KAZN: variants seen among roughly 807,000 people sequenced by gnomAD.
The protein encoded by KAZN is kazrin.
A neutral mutation model predicts 87.4 loss-of-function variants in KAZN; 40 were observed. The observed-to-expected ratio is 0.46, with a 90% CI of 0.36 to 0.60. KAZN has a LOEUF of 0.60. Among genes scored for constraint, KAZN ranks in the 20% least tolerant of loss-of-function variants. KAZN has a pLI of 0.00. For missense variants in KAZN, 898 were observed against 1,073.9 expected (o/e 0.84, Z 2.29); for synonymous variants, 466 against 458.3 (o/e 1.02, Z -0.22).
chr1:14,781,951 A>C (rs2100648559), intron 1 of KAZN, among the ~76,000 whole-genome samples: 1 of 152,286 alleles, frequency 6.6e-6, no homozygotes. Context: ...TTATGACTCC[A>C]CCACTTTGAG....
At chr1:15,100,699 AAGAG>A (rs1439291051) in intron 10 of KAZN, among the ~76,000 whole-genome samples, 2 of 152,198 alleles carry the variant, frequency 1.3e-5, no homozygotes, top group African/African-American at 4.8e-5. Context: ...GTGCAGTGGT[AAGAG>A]AGAGGGTTTG....
At chr1:14,601,452 G>A (rs1446038508) in intron 1 of KAZN, among the ~76,000 whole-genome samples, 2 of 151,254 alleles carry the variant, frequency 1.3e-5, no homozygotes, top group Admixed American at 6.6e-5. Flanking sequence ...TTTTTTTGAT[G>A]GGGGCGGGAG....
At chr1:14,168,806 A>G (rs75729265) in intron 1 of KAZN, among the ~76,000 whole-genome samples, 2,447 of 152,262 alleles carry the variant, frequency 0.016, 40 homozygotes, top group South Asian at 0.039. Flanking sequence ...TGTTTCCTCA[A>G]CAGAAGGACA....
chr1:14,023,169 A>C (rs367720416), intron 1 of KAZN, among the ~76,000 whole-genome samples: 1 of 152,018 alleles, frequency 6.6e-6, no homozygotes, highest in African/African-American at 2.4e-5. Flanking sequence ...AATAATAATA[A>C]AAAAACAGCC....
intron 2 of KAZN, among the ~76,000 whole-genome samples, chr1:15,019,264 G>T (rs1365707022): frequency 6.6e-6 from 1 of 152,198 alleles, no homozygotes; most frequent in African/African-American, 2.4e-5. Flanking sequence ...CTACACCAGG[G>T]ACTGCCTACC....
At chr1:14,301,036 G>C (rs1654514879) in intron 2 of KAZN, among the ~76,000 whole-genome samples, 1 of 152,148 alleles carries the variant, frequency 6.6e-6, no homozygotes, top group South Asian at 2.1e-4. Context: ...GCAAGGATTG[G>C]TGAAATCCAC....
At chr1:14,048,917 T>A (rs546619103) in intron 1 of KAZN, among the ~76,000 whole-genome samples, 15 of 152,262 alleles carry the variant, frequency 9.9e-5, no homozygotes, top group African/African-American at 3.6e-4. Context: ...TTTCTCCACA[T>A]CCTCTCCAGC....
intron 2 of KAZN, among the ~76,000 whole-genome samples, chr1:14,555,085 A>G (rs990882274): frequency 2.6e-5 from 4 of 152,326 alleles, no homozygotes; most frequent in African/African-American, 9.6e-5. Flanking sequence ...TGGGTCTCCT[A>G]TCTGCTGTCA....
rs545131609 is a variant in KAZN at position 14,334,078 on chromosome 1, G to A, written c.249+153486G>A. Among the ~76,000 whole-genome samples, 17 of 151,032 alleles carry A rather than the reference G, an allele frequency of 1.1e-4. No homozygotes were observed. The South Asian group carries it at 3.1e-3, about 28-fold the overall frequency. On this transcript the variant is annotated intron_variant, in intron 2 of 16. Coordinates refer to the KAZN transcript ENST00000636203. ...TTCCCCCTACAGGAAATGGGAAGTC[G>A]GCCAGCCCAGGCAAGGTTGGCTCAT...
In KAZN at chr1:14,276,160, G is replaced by GGTGTGTGTGT. The variant is rs5772575; in HGVS notation, c.249+95601_249+95610dup. Among the ~76,000 whole-genome samples the GGTGTGTGTGT allele has an allele frequency of 5.9e-5, 8 of 135,792 alleles. No individual in the cohort carries two copies. The East Asian group carries it at 8.2e-4, about 14-fold the overall frequency. 89.1% of individuals were successfully genotyped at this position (135,792 alleles called of 152,430 possible). A position where few individuals can be genotyped will look rare whatever the true frequency, so the allele number is the denominator to read the frequency against. On this transcript the variant is annotated intron_variant, in intron 2 of 16. Coordinates refer to the KAZN transcript ENST00000636203. ...CATGGAGCATAGTGTTCGCTATAAG[G>GGTGTGTGTGT]GTGTGTGTGTGTGTGTGTGTGTGTG...
chr1:14,494,826 A>T (rs898095410), intron 2 of KAZN, among the ~76,000 whole-genome samples: 1 of 152,232 alleles, frequency 6.6e-6, no homozygotes, highest in Non-Finnish European at 1.5e-5. Context: ...TGCAGCATTT[A>T]TGGGAAACTA....
intron 2 of KAZN, among the ~76,000 whole-genome samples, chr1:14,303,997 G>C (rs1457002891): frequency 6.6e-6 from 1 of 152,144 alleles, no homozygotes; most frequent in Non-Finnish European, 1.5e-5. Context: ...CAAAATGTTA[G>C]CGAGCTTGTT....
At chr1:14,852,542 T>C (rs1166186476) in intron 1 of KAZN, among the ~76,000 whole-genome samples, 4 of 152,130 alleles carry the variant, frequency 2.6e-5, no homozygotes, top group African/African-American at 9.7e-5. Context: ...CTTCCCACTG[T>C]CTAGGCTTGG....
intron 1 of KAZN, among the ~76,000 whole-genome samples, chr1:14,639,519 A>G (rs948274195): frequency 6.6e-6 from 1 of 152,194 alleles, no homozygotes; most frequent in Non-Finnish European, 1.5e-5. Flanking sequence ...TTGAGGCAGT[A>G]TAAATGCCCT....
chr1:14,326,400 C>T (rs1242609439), intron 2 of KAZN, among the ~76,000 whole-genome samples: 5 of 152,222 alleles, frequency 3.3e-5, no homozygotes, highest in African/African-American at 1.2e-4. Context: ...CTCCTCACCA[C>T]CTTTGCCTCC....
intron 1 of KAZN, among the ~76,000 whole-genome samples, chr1:14,760,180 C>T (rs1644700174): frequency 6.6e-6 from 1 of 152,094 alleles, no homozygotes; most frequent in Non-Finnish European, 1.5e-5. Flanking sequence ...CCCTTCCTTC[C>T]CCAACCCTCT....
chr1:14,459,961 T>C (rs12142094), intron 2 of KAZN, among the ~76,000 whole-genome samples: 1 of 152,052 alleles, frequency 6.6e-6, no homozygotes, highest in African/African-American at 2.4e-5. Flanking sequence ...AATAAATACT[T>C]AACTAGTAGA....
intron 1 of KAZN, among the ~76,000 whole-genome samples, chr1:14,168,081 C>G (rs969568797): frequency 6.6e-6 from 1 of 152,240 alleles, no homozygotes; most frequent in African/African-American, 2.4e-5. Flanking sequence ...GCCGCTTCCT[C>G]TTCCTTGAGC....
chr1:14,801,617 A>G (rs2100740452), intron 1 of KAZN, among the ~76,000 whole-genome samples: 1 of 152,154 alleles, frequency 6.6e-6, no homozygotes, highest in South Asian at 2.1e-4. Context: ...CTGCTCCGAC[A>G]CAGACTGCTG....
Sources: gnomAD v4.1 joint callset for allele counts (sites outside exome capture counted in the v4.1 genomes callset) on GRCh38, gnomAD v4.1.1 for gene constraint, MANE v1.5 for transcripts, NCBI Gene and HGNC (gene_info 2026-07-23, HGNC 2026-07-21) for gene names.